DMXL2: variants seen among roughly 807,000 people sequenced by gnomAD.
DMXL2 encodes Dmx like 2, also known as dmX-like protein 2.
A neutral mutation model predicts 331.1 loss-of-function variants in DMXL2; 103 were observed. The observed-to-expected ratio is 0.31, with a 90% CI of 0.27 to 0.37. The LOEUF (loss-of-function observed/expected upper bound fraction) is 0.37, where lower values mean the gene tolerates loss of function less well. DMXL2 is among the 10% of genes least tolerant of loss of function. DMXL2 has a pLI of 1.00. For missense variants in DMXL2, 3,171 were observed against 3,642.9 expected, an observed-to-expected ratio of 0.87 and a Z score of 3.33; for synonymous variants, 1,281 against 1,252.1, an observed-to-expected ratio of 1.02 and a Z score of -0.49.
chr15:51,494,643 T>C (rs2043043528), intron 19 of DMXL2, among the ~76,000 whole-genome samples: 1 of 152,118 alleles, frequency 6.6e-6, no homozygotes, highest in South Asian at 2.1e-4. Context: ...TAGAACATAA[T>C]GCTTACATTA....
At chr15:51,510,098 T>A (rs2140586700) in intron 15 of DMXL2, among the ~76,000 whole-genome samples, 1 of 152,340 alleles carries the variant, frequency 6.6e-6, no homozygotes, top group African/African-American at 2.4e-5. Flanking sequence ...ACAGCCAATA[T>A]CATGCTGAAT....
intron 1 of DMXL2, among the ~76,000 whole-genome samples, chr15:51,586,963 T>C (rs1326305601): frequency 1.4e-5 from 2 of 139,582 alleles, no homozygotes; most frequent in Non-Finnish European, 1.5e-5. Flanking sequence ...CCATTCAAAG[T>C]ATTCATTGTC....
chr15:51,573,649 A>G (rs2050816342), intron 2 of DMXL2, among the ~76,000 whole-genome samples: 1 of 152,060 alleles, frequency 6.6e-6, no homozygotes, highest in South Asian at 2.1e-4. Flanking sequence ...AACAACGAGA[A>G]CACATGGACA....
chr15:51,466,637 T>C (rs2040602194), intron 29 of DMXL2: 1 of 151,884 alleles, frequency 6.6e-6, no homozygotes, highest in African/African-American at 2.4e-5. Context: ...TCTAAAGAAA[T>C]ACAAAAGGAC....
intron 13 of DMXL2, among the ~76,000 whole-genome samples, chr15:51,527,118 A>C (rs1439736929): frequency 6.6e-6 from 1 of 152,186 alleles, no homozygotes; most frequent in Non-Finnish European, 1.5e-5. Context: ...AAAGTCAAGG[A>C]TAAAGAAAGG....
At position 51,507,642 on chromosome 15, in the gene DMXL2, G is replaced by A. The variant is rs1001233119; in HGVS notation, c.2645-389C>T. ...AGAAAGCAGCAGCAGAAGAATGGGA[G>A]GAGGATAGAAGGGAAGGAAGCGGGG... On this transcript the variant is annotated intron_variant, in intron 15 of 43. Transcript: ENST00000560891. Among the ~76,000 whole-genome samples, 6 of 152,138 alleles carry A rather than the reference G, an allele frequency of 3.9e-5. No individual in the cohort carries two copies. In the East Asian group the frequency reaches 1.2e-3, roughly 29 times the overall value.
intron 33 of DMXL2, chr15:51,460,079 T>C: frequency 1.1e-6 from 1 of 938,744 alleles, no homozygotes; most frequent in Non-Finnish European, 1.3e-6. Flanking sequence ...ATTCAAAATA[T>C]TGATAATTAT....
At chr15:51,468,890 T>A (rs1200630024) in intron 29 of DMXL2, among the ~76,000 whole-genome samples, 1 of 151,704 alleles carries the variant, frequency 6.6e-6, no homozygotes, top group East Asian at 1.9e-4. Flanking sequence ...ATCAGCAAAA[T>A]CCATTGAAAA....
At chr15:51,572,756 C>A (rs1464192622) in intron 2 of DMXL2, among the ~76,000 whole-genome samples, 1 of 152,126 alleles carries the variant, frequency 6.6e-6, no homozygotes, top group Non-Finnish European at 1.5e-5. Flanking sequence ...TAAAAACTCT[C>A]AATAAACTAG....
At chr15:51,469,316 A>G (rs767850505) in intron 29 of DMXL2, among the ~76,000 whole-genome samples, 1 of 152,122 alleles carries the variant, frequency 6.6e-6, no homozygotes, top group Non-Finnish European at 1.5e-5. Context: ...ATGAGTAGAT[A>G]ATTTTTGAAG....
intron 1 of DMXL2, among the ~76,000 whole-genome samples, chr15:51,611,967 T>A (rs2054000472): frequency 6.6e-6 from 1 of 152,194 alleles, no homozygotes; most frequent in African/African-American, 2.4e-5. Flanking sequence ...TCGGGTCCCC[T>A]TCCATGCTGT....
intron 16 of DMXL2, 62 bp from the exon 17 acceptor site, chr15:51,503,095 G>T: frequency 1.8e-6 from 2 of 1,084,664 alleles, no homozygotes; most frequent in South Asian, 1.6e-5. Context: ...ATAGGAGCTA[G>T]AATATTACTT....
At chr15:51,491,770 T>A in intron 19 of DMXL2, 23 bp from the exon 20 acceptor site, 1 of 1,580,766 alleles carries the variant, frequency 6.3e-7, no homozygotes, top group Non-Finnish European at 8.6e-7. Flanking sequence ...TATAAAATAA[T>A]AATCTGCGTA....
intron 2 of DMXL2, among the ~76,000 whole-genome samples, chr15:51,569,919 A>G (rs2050548372): frequency 6.6e-6 from 1 of 152,178 alleles, no homozygotes; most frequent in Admixed American, 6.5e-5. Context: ...CAGCAAGGGA[A>G]CAAAACTGGA....
Position 51,491,606 on chromosome 15 carries a change from A to T in DMXL2, c.4925T>A (p.Ile1642Asn). 6.2e-7 allele frequency: 1 copy of T among 1,609,070 alleles called. No individual in the cohort carries two copies. Among genetic ancestry groups the T allele is most frequent in the Admixed American group, 1.7e-5 (1 of 58,596 alleles). ...AMGIGWWVRNINTLRRCIEKV... is the reference protein window; with the variant it reads ...AMGIGWWVRNNNTLRRCIEKV... Reference sequence around the variant, plus strand: ...TTCAATGCATCTTCGAAGCGTGTTAATGTTCCTCACCCACCATCCTATGCC... The same window carrying T: ...TTCAATGCATCTTCGAAGCGTGTTATTGTTCCTCACCCACCATCCTATGCC... Residue 1642 changes from isoleucine to asparagine, a missense_variant, in exon 20 of 44, where the codon ATT becomes AAT. Coordinates refer to ENST00000560891, the MANE Select transcript of DMXL2 (RefSeq NM_001378457.1).
intron 8 of DMXL2, among the ~76,000 whole-genome samples, chr15:51,543,425 T>C (rs546023857): frequency 3.3e-5 from 5 of 152,332 alleles, no homozygotes; most frequent in African/African-American, 1.2e-4. Flanking sequence ...AGGTCAATGG[T>C]GTGTCCCCCA....
intron 22 of DMXL2, 50 bp from the exon 23 acceptor site, chr15:51,486,387 A>G: frequency 1.5e-6 from 2 of 1,363,842 alleles, no homozygotes; most frequent in South Asian, 1.4e-5. Context: ...AATTATTTAG[A>G]GAGATGAAAT....
chr15:51,541,711 A>G (rs1362551456), intron 9 of DMXL2, among the ~76,000 whole-genome samples: 1 of 152,202 alleles, frequency 6.6e-6, no homozygotes, highest in South Asian at 2.1e-4. Context: ...GAGCAATGTA[A>G]TATAAAATTT....
intron 30 of DMXL2, among the ~76,000 whole-genome samples, chr15:51,465,904 A>C (rs2040526306): frequency 6.6e-6 from 1 of 152,210 alleles, no homozygotes; most frequent in Non-Finnish European, 1.5e-5. Flanking sequence ...ATAGTATACC[A>C]ATAATTTATA....
Sources: allele counts gnomAD v4.1 joint callset (sites outside exome capture counted in the v4.1 genomes callset), GRCh38; gene constraint gnomAD v4.1.1; transcripts MANE v1.5; gene names NCBI Gene and HGNC (gene_info 2026-07-23, HGNC 2026-07-21).